NCKAP5: variants seen among roughly 807,000 people sequenced by gnomAD.
The protein encoded by NCKAP5 is NCK associated protein 5.
NCKAP5 carries 92 observed loss-of-function variants against 167.0 expected under a neutral mutation model. That is an observed-to-expected ratio of 0.55 (90% CI 0.47 to 0.66). The LOEUF (loss-of-function observed/expected upper bound fraction) is 0.66, where lower values mean the gene tolerates loss of function less well. Among genes scored for constraint, NCKAP5 ranks in the 30% least tolerant of loss-of-function variants. The probability of loss-of-function intolerance (pLI) is 0.00; values close to 1 mark genes in which losing one functional copy is unlikely to be tolerated. For missense variants in NCKAP5, 2,378 were observed against 2,315.0 expected, an observed-to-expected ratio of 1.03 and a Z score of -0.56; for synonymous variants, 891 against 877.4, an observed-to-expected ratio of 1.02 and a Z score of -0.27.
intron 3 of NCKAP5, among the ~76,000 whole-genome samples, chr2:133,439,851 A>G (rs1211882151): frequency 6.6e-6 from 1 of 152,198 alleles, no homozygotes; most frequent in African/African-American, 2.4e-5. Flanking sequence ...ATGGACTAAT[A>G]ATTGTGATAC....
chr2:133,085,721 C>T lies in NCKAP5; in HGVS notation c.341+44257G>A, dbSNP rs74578880. Among the ~76,000 whole-genome samples, 32 of 152,214 alleles carry T rather than the reference C, an allele frequency of 2.1e-4. No homozygotes were observed. The East Asian group carries it at 4.5e-3, about 21-fold the overall frequency. ...TGGGCAAGCTGGCTAATTAATTCAT[C>T]GCTGGTTTCCATAAACTGGCTCACC... On this transcript the variant is annotated intron_variant, in intron 6 of 19. Transcript: ENST00000409261.
chr2:132,736,475 T>G (rs548612451), intron 16 of NCKAP5, among the ~76,000 whole-genome samples: 3 of 152,290 alleles, frequency 2.0e-5, no homozygotes, highest in Non-Finnish European at 4.4e-5. Flanking sequence ...GATGCAGTAT[T>G]GCTCTCAACA....
intron 2 of NCKAP5, among the ~76,000 whole-genome samples, chr2:133,544,709 A>C (rs1686515356): frequency 6.6e-6 from 1 of 152,232 alleles, no homozygotes; most frequent in Admixed American, 6.5e-5. Flanking sequence ...ACTGTTTTCT[A>C]GGATAAATAG....
chr2:133,170,788 G>C (rs939285973), intron 5 of NCKAP5, among the ~76,000 whole-genome samples: 2 of 152,078 alleles, frequency 1.3e-5, no homozygotes, highest in East Asian at 1.9e-4. Context: ...TTGTCCTTGT[G>C]GATGTCCCAT....
chr2:132,960,005 C>T (rs2076464551), intron 8 of NCKAP5, among the ~76,000 whole-genome samples: 1 of 152,138 alleles, frequency 6.6e-6, no homozygotes, highest in African/African-American at 2.4e-5. Context: ...GGACCCTAAA[C>T]ACAAATTACA....
intron 19 of NCKAP5, among the ~76,000 whole-genome samples, chr2:132,705,494 A>G (rs566037123): frequency 6.6e-6 from 1 of 152,154 alleles, no homozygotes. Flanking sequence ...GACTTGACCT[A>G]TCAGTGTCAT....
intron 19 of NCKAP5, among the ~76,000 whole-genome samples, chr2:132,711,314 C>T (rs1011856002): frequency 1.3e-5 from 2 of 152,190 alleles, no homozygotes; most frequent in African/African-American, 4.8e-5. Flanking sequence ...ACCAGAGCTA[C>T]ACCTCACTGA....
chr2:133,035,080 G>C (rs575218955), intron 6 of NCKAP5, among the ~76,000 whole-genome samples: 51 of 152,072 alleles, frequency 3.4e-4, no homozygotes, highest in African/African-American at 1.2e-3. Context: ...GATATTCCAT[G>C]CCAAAGGAAA....
intron 3 of NCKAP5, among the ~76,000 whole-genome samples, chr2:133,349,596 C>G (rs1684216075): frequency 6.6e-6 from 1 of 152,228 alleles, no homozygotes; most frequent in Non-Finnish European, 1.5e-5. Flanking sequence ...ATTAGCTTGT[C>G]ATGCTTGTTT....
chr2:132,848,658 A>C (rs1465220795), intron 11 of NCKAP5, among the ~76,000 whole-genome samples: 1 of 152,154 alleles, frequency 6.6e-6, no homozygotes. Context: ...GGGAAAAGCA[A>C]TCATAAAAAG....
chr2:133,171,993 T>C (rs1285776228), intron 5 of NCKAP5, among the ~76,000 whole-genome samples: 2 of 152,320 alleles, frequency 1.3e-5, no homozygotes, highest in African/African-American at 4.8e-5. Context: ...TTTAGTGAGG[T>C]CAAATCTACA....
chr2:133,174,383 C>T (rs1393570481), intron 5 of NCKAP5, among the ~76,000 whole-genome samples: 3 of 152,090 alleles, frequency 2.0e-5, no homozygotes, highest in South Asian at 2.1e-4. Context: ...CTCTCTACTG[C>T]GAAGTTACTA....
chr2:133,121,616 C>T (rs181657366), intron 6 of NCKAP5, among the ~76,000 whole-genome samples: 72 of 152,264 alleles, frequency 4.7e-4, no homozygotes, highest in Admixed American at 1.7e-3. Flanking sequence ...GCAACTAGAG[C>T]TCCTATACAT....
the NCKAP5 span, among the ~76,000 whole-genome samples, chr2:133,611,599 T>C: frequency 6.6e-6 from 1 of 152,184 alleles, no homozygotes; most frequent in Non-Finnish European, 1.5e-5. Flanking sequence ...ACAGTAAGGC[T>C]TCTTAGCCCT....
chr2:132,765,031 G>A (rs1163587738), intron 16 of NCKAP5, among the ~76,000 whole-genome samples: 1 of 152,052 alleles, frequency 6.6e-6, no homozygotes, highest in Non-Finnish European at 1.5e-5. Flanking sequence ...TTTAATTTTA[G>A]GGAAAAGATA....
At chr2:133,674,584 C>T in the NCKAP5 span, among the ~76,000 whole-genome samples, 1 of 152,208 alleles carries the variant, frequency 6.6e-6, no homozygotes, top group African/African-American at 2.4e-5. Flanking sequence ...GAGCTCCAGA[C>T]CAGAGCACTT....
intron 3 of NCKAP5, among the ~76,000 whole-genome samples, chr2:133,394,650 C>T (rs920816193): frequency 2.8e-4 from 42 of 152,264 alleles, no homozygotes; most frequent in African/African-American, 9.9e-4. Context: ...TGAATCAATA[C>T]ATAGTGACGT....
chr2:132,779,124 C>A (rs2105000438), intron 15 of NCKAP5, among the ~76,000 whole-genome samples: 1 of 152,262 alleles, frequency 6.6e-6, no homozygotes, highest in African/African-American at 2.4e-5. Flanking sequence ...AATCTTTGTA[C>A]TTCACAGAAA....
intron 4 of NCKAP5, among the ~76,000 whole-genome samples, chr2:133,292,676 G>A (rs1679684589): frequency 6.6e-6 from 1 of 152,162 alleles, no homozygotes; most frequent in Non-Finnish European, 1.5e-5. Context: ...TACTTTTGGA[G>A]TGTTTCTTGA....
Sources: allele counts gnomAD v4.1 joint callset (sites outside exome capture counted in the v4.1 genomes callset), GRCh38; gene constraint gnomAD v4.1.1; transcripts MANE v1.5; gene names NCBI Gene and HGNC (gene_info 2026-07-23, HGNC 2026-07-21).